Variants in PDE3B observed in about 807,000 individuals in gnomAD.
PDE3B encodes the protein phosphodiesterase 3B.
PDE3B carries 66 observed loss-of-function variants against 116.8 expected under a neutral mutation model. The observed-to-expected ratio is 0.56, with a 90% CI of 0.46 to 0.69. The LOEUF (loss-of-function observed/expected upper bound fraction) is 0.69. Ranked by LOEUF, PDE3B falls within the 30% of genes least tolerant of loss-of-function variation. PDE3B has a pLI of 0.00. For missense variants in PDE3B, 1,384 were observed against 1,368.1 expected, an observed-to-expected ratio of 1.01 and a Z score of -0.18; for synonymous variants, 595 against 533.6, an observed-to-expected ratio of 1.12 and a Z score of -1.59.
At chr11:14,778,584 A>G (rs905096815) in intron 2 of PDE3B, among the ~76,000 whole-genome samples, 6 of 152,218 alleles carry the variant, frequency 3.9e-5, no homozygotes, top group Admixed American at 1.3e-4. Context: ...GCAAACTCCA[A>G]CAGACCTGCA....
intron 1 of PDE3B, among the ~76,000 whole-genome samples, chr11:14,740,368 G>T (rs2133864484): frequency 6.6e-6 from 1 of 152,260 alleles, no homozygotes; most frequent in African/African-American, 2.4e-5. Context: ...ATTTCTTCTA[G>T]ATTTTCTAGT....
intron 1 of PDE3B, among the ~76,000 whole-genome samples, chr11:14,689,198 G>C (rs1166326441): frequency 6.6e-6 from 1 of 152,198 alleles, no homozygotes; most frequent in East Asian, 1.9e-4. Context: ...TATCTACTAA[G>C]AGTTTAAAAT....
At chr11:14,696,639 G>A (rs1855215633) in intron 1 of PDE3B, among the ~76,000 whole-genome samples, 1 of 151,878 alleles carries the variant, frequency 6.6e-6, no homozygotes, top group South Asian at 2.1e-4. Context: ...TTAAAAAATT[G>A]GATTGTTTGC....
intron 1 of PDE3B, among the ~76,000 whole-genome samples, chr11:14,714,644 A>T (rs993480584): frequency 6.6e-6 from 1 of 151,930 alleles, no homozygotes; most frequent in Non-Finnish European, 1.5e-5. Flanking sequence ...ATGCCCCAAG[A>T]TGGTGCCAAT....
At chr11:14,786,776 T>A in intron 3 of PDE3B, 91 bp downstream of exon 3, 1 of 1,079,800 alleles carries the variant, frequency 9.3e-7, no homozygotes, top group Non-Finnish European at 1.3e-6. Flanking sequence ...AGAATACAAT[T>A]TTCGTTTCAA....
chr11:14,667,135 G>C (rs897394966), intron 1 of PDE3B, among the ~76,000 whole-genome samples: 2 of 151,980 alleles, frequency 1.3e-5, no homozygotes, highest in Non-Finnish European at 2.9e-5. Flanking sequence ...TCCTTTGTAG[G>C]GACATGGATG....
At chr11:14,653,959 C>A (rs1298654105) in intron 1 of PDE3B, among the ~76,000 whole-genome samples, 1 of 152,132 alleles carries the variant, frequency 6.6e-6, no homozygotes, top group Non-Finnish European at 1.5e-5. Flanking sequence ...GATTGTACCA[C>A]TGCACTGCTG....
intron 13 of PDE3B, among the ~76,000 whole-genome samples, chr11:14,860,529 A>G (rs1434865954): frequency 1.2e-4 from 18 of 152,166 alleles, no homozygotes; most frequent in African/African-American, 4.3e-4. Context: ...TTATTTAAAT[A>G]ACAATATTTA....
At chr11:14,786,907 A>AT (rs2133916814) in intron 3 of PDE3B, among the ~76,000 whole-genome samples, 1 of 152,134 alleles carries the variant, frequency 6.6e-6, no homozygotes, top group Non-Finnish European at 1.5e-5. Context: ...TATAACAACT[A>AT]TGTATTATTA....
rs144475068 is a variant in PDE3B, at chr11:14,678,382, G to A, written c.978+33329G>A. ...TGAGAGTGGGATTGCTGGGTCATTT[G>A]TTAAGTGTATGTTTAACTTTATAAG... On this transcript the variant is annotated intron_variant, in intron 1 of 15. Transcript: ENST00000282096. Among the ~76,000 whole-genome samples the A allele has an allele frequency of 6.7e-4, 102 of 152,204 alleles. 1 individual carries two copies. The highest frequency in any genetic ancestry group is 2.3e-3 in the African/African-American group (97 of 41,532).
At chr11:14,757,926 T>C (rs2133883443) in intron 1 of PDE3B, among the ~76,000 whole-genome samples, 1 of 151,146 alleles carries the variant, frequency 6.6e-6, no homozygotes, top group East Asian at 2.0e-4. Flanking sequence ...CTAGGGTTTT[T>C]ATGGTTTTAG....
chr11:14,786,774 A>C (rs1858215066), intron 3 of PDE3B, 89 bp downstream of exon 3: 4 of 1,087,856 alleles, frequency 3.7e-6, no homozygotes, highest in Non-Finnish European at 5.4e-6. Context: ...ATAGAATACA[A>C]TTTTCGTTTC....
intron 1 of PDE3B, among the ~76,000 whole-genome samples, chr11:14,749,895 ATCCCATATATATATATATGT>A (rs1565120864): frequency 2.1e-5 from 1 of 46,554 alleles, no homozygotes; most frequent in Non-Finnish European, 4.1e-5. Flanking sequence ...AAATAAATAT[ATCCCATATATATATATATGT>A]ATCTTTGTGG....
chr11:14,671,261 T>C (rs999029204), intron 1 of PDE3B, among the ~76,000 whole-genome samples: 1 of 152,152 alleles, frequency 6.6e-6, no homozygotes, highest in South Asian at 2.1e-4. Flanking sequence ...GTGAAGATGG[T>C]GCTTTAGGTA....
At chr11:14,772,319 C>T (rs1478659508) in intron 2 of PDE3B, 1 of 156,562 alleles carries the variant, frequency 6.4e-6, no homozygotes, top group Non-Finnish European at 1.4e-5. Context: ...GACCACTGTT[C>T]TATAAAGGGG....
At chr11:14,880,817 A>G in the PDE3B span, 126 of 1,535,700 alleles carry the variant, frequency 8.2e-5, no homozygotes, top group East Asian at 2.9e-3. Flanking sequence ...CTCTGTATCT[A>G]AAAAATGAAA....
At chr11:14,787,877 C>T (rs1304480206) in intron 3 of PDE3B, among the ~76,000 whole-genome samples, 1 of 151,636 alleles carries the variant, frequency 6.6e-6, no homozygotes, top group East Asian at 1.9e-4. Flanking sequence ...ATATTTGATA[C>T]TCAGGATAGT....
Position 14,643,901 on chromosome 11 carries a change from T to C in PDE3B, c.-175T>C. On this transcript the variant is annotated 5_prime_UTR_variant, in exon 1 of 16. Transcript: ENST00000282096. Reference sequence around the variant, plus strand: ...TCTCCTCAGCCAGCATGTCCCGGACTCCGCCGCTCCTCAGTCCGCGCGGTG... The same window carrying C: ...TCTCCTCAGCCAGCATGTCCCGGACCCCGCCGCTCCTCAGTCCGCGCGGTG... 1.1e-6 allele frequency: 1 copy of C among 942,062 alleles called. No individual in the cohort carries two copies. Among genetic ancestry groups the C allele is most frequent in the Non-Finnish European group, 1.4e-6 (1 of 690,326 alleles). 58.4% of individuals were successfully genotyped at this position (942,062 alleles called of 1,614,324 possible).
At chr11:14,765,442 C>G in intron 1 of PDE3B, among the ~76,000 whole-genome samples, 1 of 151,686 alleles carries the variant, frequency 6.6e-6, no homozygotes, top group East Asian at 1.9e-4. Flanking sequence ...AAAACATATT[C>G]AAACAGAAAC....
Sources: allele counts gnomAD v4.1 joint callset (sites outside exome capture counted in the v4.1 genomes callset), GRCh38; gene constraint gnomAD v4.1.1; transcripts MANE v1.5; gene names NCBI Gene and HGNC (gene_info 2026-07-23, HGNC 2026-07-21).